The following C8orf34 variants were observed in gnomAD, a reference collection of about 807,000 sequenced individuals.
C8orf34 encodes uncharacterized protein C8orf34.
C8orf34 carries 65 observed loss-of-function variants against 68.3 expected under a neutral mutation model. The ratio of observed to expected loss-of-function variants is 0.95; its 90% CI spans 0.78 to 1.17. C8orf34 has a LOEUF of 1.17. Ranked by LOEUF, C8orf34 falls within the 50% of genes most tolerant of loss-of-function variation. The probability of loss-of-function intolerance (pLI) is 0.00; values close to 1 mark genes in which losing one functional copy is unlikely to be tolerated. For missense variants in C8orf34, 664 were observed against 655.4 expected, an observed-to-expected ratio of 1.01 and a Z score of -0.14; for synonymous variants, 244 against 241.2, an observed-to-expected ratio of 1.01 and a Z score of -0.11.
At chr8:68,642,810 T>G (rs1298169408) in intron 8 of C8orf34, among the ~76,000 whole-genome samples, 1 of 152,134 alleles carries the variant, frequency 6.6e-6, no homozygotes, top group Non-Finnish European at 1.5e-5. Flanking sequence ...TGGAAGACAA[T>G]TTTTCCATGG....
At chr8:68,616,246 T>C (rs1375632698) in intron 7 of C8orf34, among the ~76,000 whole-genome samples, 3 of 152,188 alleles carry the variant, frequency 2.0e-5, no homozygotes, top group Non-Finnish European at 2.9e-5. Flanking sequence ...AACCAACTCC[T>C]GGATTCATTA....
intron 5 of C8orf34, among the ~76,000 whole-genome samples, chr8:68,499,271 T>C (rs1216935801): frequency 1.3e-5 from 2 of 152,220 alleles, no homozygotes; most frequent in South Asian, 2.1e-4. Context: ...TTCTTTTATA[T>C]GGCTGCATAG....
chr8:68,708,005 A>C lies in C8orf34; in HGVS notation c.1242-989A>C, dbSNP rs1402950223. On this transcript the variant is annotated intron_variant, in intron 8 of 13. Coordinates refer to ENST00000518698, the MANE Select transcript of C8orf34 (RefSeq NM_052958.4). ...GAAAAATATGTAGCTAATTTATTTA[A>C]AGTGGTCTTTTTCCCAAGAAAAAAT... 2.0e-4 allele frequency among the ~76,000 whole-genome samples: 31 copies of C among 152,220 alleles called. 1 individual carries two copies. The highest frequency in any genetic ancestry group is 2.0e-3 in the Admixed American group (31 of 15,276).
chr8:68,376,964 C>T (rs1221463759), intron 1 of C8orf34, among the ~76,000 whole-genome samples: 2 of 152,116 alleles, frequency 1.3e-5, no homozygotes, highest in Non-Finnish European at 2.9e-5. Context: ...CTCAGAGTTC[C>T]AAATTTCCCA....
chr8:68,525,537 T>C, intron 6 of C8orf34: 1 of 849,204 alleles, frequency 1.2e-6, no homozygotes, highest in Non-Finnish European at 1.9e-6. Context: ...AATCCCAGGA[T>C]TTTCCCTCCT....
rs1286737560 is a variant in C8orf34 at position 68,503,257 on chromosome 8, A to G, written c.765+15206A>G. 2.0e-5 allele frequency among the ~76,000 whole-genome samples: 3 copies of G among 152,308 alleles called. No homozygotes were observed. The South Asian group carries it at 6.2e-4, about 32-fold the overall frequency. On this transcript the variant is annotated intron_variant, in intron 5 of 13. Transcript: ENST00000518698. ...TTGTTTATATTAGAGTATTATTGTT[A>G]TCTATGTTAATACTATTACATTTGT... is the stretch of plus-strand genomic sequence containing the variant.
intron 4 of C8orf34, among the ~76,000 whole-genome samples, chr8:68,473,716 C>T (rs1184677772): frequency 6.6e-6 from 1 of 152,152 alleles, no homozygotes; most frequent in Non-Finnish European, 1.5e-5. Context: ...AGTTAGTGCT[C>T]ACTGTCTCTA....
chr8:68,523,409 A>T (rs956310943), intron 6 of C8orf34, among the ~76,000 whole-genome samples: 1 of 152,256 alleles, frequency 6.6e-6, no homozygotes, highest in African/African-American at 2.4e-5. Context: ...CCACCTGAAT[A>T]CTCAATAAGG....
At chr8:68,347,542 T>C (rs1424300401) in intron 1 of C8orf34, among the ~76,000 whole-genome samples, 3 of 152,158 alleles carry the variant, frequency 2.0e-5, no homozygotes, top group Admixed American at 2.0e-4. Flanking sequence ...ATCACCACAC[T>C]GCTTTCCACA....
intron 10 of C8orf34, among the ~76,000 whole-genome samples, chr8:68,774,844 C>T (rs1029997370): frequency 2.7e-5 from 4 of 150,726 alleles, no homozygotes; most frequent in South Asian, 2.1e-4. Context: ...TGGTGGCTCA[C>T]GCCCGTAATT....
intron 4 of C8orf34, among the ~76,000 whole-genome samples, chr8:68,469,394 G>A (rs1348423760): frequency 6.6e-6 from 1 of 151,830 alleles, no homozygotes; most frequent in African/African-American, 2.4e-5. Flanking sequence ...ATGTGCCTTG[G>A]TCCGCTCATC....
At chr8:68,368,300 G>A (rs1807404075) in intron 1 of C8orf34, among the ~76,000 whole-genome samples, 1 of 152,106 alleles carries the variant, frequency 6.6e-6, no homozygotes, top group Non-Finnish European at 1.5e-5. Flanking sequence ...AATTTTCAGT[G>A]TAAAGAGGCA....
chr8:68,671,810 G>A (rs1820020035), intron 8 of C8orf34, among the ~76,000 whole-genome samples: 1 of 151,998 alleles, frequency 6.6e-6, no homozygotes, highest in African/African-American at 2.4e-5. Flanking sequence ...TCAATATGGG[G>A]CTTCTAAAGA....
In C8orf34 at chr8:68,485,722, AAAAAAT is replaced by A. The variant is rs1003398574; in HGVS notation, c.737-2297_737-2292del. ...GCAAGACTCTGTCTCAAAAAAAAAT[AAAAAAT>A]AAATAAATAAATAAATAAATAAATA... On this transcript the variant is annotated intron_variant, in intron 4 of 13. Coordinates refer to ENST00000518698, the MANE Select transcript of C8orf34 (RefSeq NM_052958.4). Among the ~76,000 whole-genome samples, 30 of 50,052 alleles carry A rather than the reference AAAAAAT, an allele frequency of 6.0e-4. No individual in the cohort carries two copies. The East Asian group carries it at 0.015, about 24-fold the overall frequency. 32.8% of individuals were successfully genotyped at this position (50,052 alleles called of 152,430 possible).
chr8:68,735,828 G>A (rs571471646), intron 10 of C8orf34, among the ~76,000 whole-genome samples: 34 of 151,914 alleles, frequency 2.2e-4, no homozygotes, highest in Non-Finnish European at 4.4e-4. Flanking sequence ...TATTTGTCCT[G>A]ACCCAAATTT....
intron 5 of C8orf34, among the ~76,000 whole-genome samples, chr8:68,511,657 T>C (rs1586290427): frequency 6.6e-6 from 1 of 152,160 alleles, no homozygotes; most frequent in South Asian, 2.1e-4. Flanking sequence ...GGGCTGAACA[T>C]ACTGACATGC....
At chr8:68,499,446 C>A (rs1813671147) in intron 5 of C8orf34, among the ~76,000 whole-genome samples, 1 of 152,060 alleles carries the variant, frequency 6.6e-6, no homozygotes, top group Non-Finnish European at 1.5e-5. Context: ...CCATTAAATA[C>A]AATAATAATC....
intron 1 of C8orf34, among the ~76,000 whole-genome samples, chr8:68,355,741 A>T (rs139083597): frequency 7.9e-5 from 12 of 152,310 alleles, no homozygotes; most frequent in Admixed American, 5.2e-4. Context: ...TGTGTTCGTC[A>T]GTGGGAGCAG....
chr8:68,533,135 C>G lies in C8orf34; in HGVS notation c.1091C>G (p.Ala364Gly). 6.3e-7 allele frequency: 1 copy of G among 1,579,894 alleles called. No homozygotes were observed. Among genetic ancestry groups the G allele is most frequent in the Non-Finnish European group, 8.6e-7 (1 of 1,168,816 alleles). Residue 364 changes from alanine (A) to glycine (G), a missense_variant, in exon 7 of 14, where the codon GCA (alanine) becomes GGA (glycine). Physicochemically the swap from Ala to Gly is moderately conservative, Grantham distance 60. Coordinates refer to ENST00000518698, the MANE Select transcript of C8orf34 (RefSeq NM_052958.4). ...GAAGATATTGATAATGAAGATGATG[C>G]AATGGAATTGCTGGGTAATTTTAAA... ...TEEDIDNEDD[A>G]MELLEDLNDL...
Sources: gnomAD v4.1 joint callset for allele counts (sites outside exome capture counted in the v4.1 genomes callset) on GRCh38, gnomAD v4.1.1 for gene constraint, MANE v1.5 for transcripts, NCBI Gene and HGNC (gene_info 2026-07-23, HGNC 2026-07-21) for gene names.